Variants in TRIM24 observed in about 807,000 individuals in gnomAD.
TRIM24 encodes the protein transcription intermediary factor 1-alpha.
In TRIM24, 29 loss-of-function variants were observed where a neutral mutation model predicts 123.9. The ratio of observed to expected loss-of-function variants is 0.23; its 90% CI spans 0.17 to 0.32. The LOEUF is 0.32. Among genes scored for constraint, TRIM24 ranks in the 10% least tolerant of loss-of-function variants. The pLI is 1.00. For missense variants in TRIM24, 932 were observed against 1,295.3 expected (o/e 0.72, Z 4.31); for synonymous variants, 456 against 461.1 (o/e 0.99, Z 0.14).
chr7:138,509,326 A>G (rs180808755), intron 2 of TRIM24, among the ~76,000 whole-genome samples: 8 of 148,482 alleles, frequency 5.4e-5, no homozygotes, highest in Admixed American at 2.7e-4. Context: ...TATAATATAT[A>G]TATAATATAT....
chr7:138,504,904 G>T (rs144470407), intron 2 of TRIM24, among the ~76,000 whole-genome samples: 2 of 151,946 alleles, frequency 1.3e-5, no homozygotes, highest in African/African-American at 2.4e-5. Context: ...GGGATTACAG[G>T]TGTGTGCCAC....
chr7:138,573,938 G>C (rs986915510), intron 12 of TRIM24, among the ~76,000 whole-genome samples: 4 of 152,064 alleles, frequency 2.6e-5, no homozygotes, highest in Admixed American at 2.6e-4. Flanking sequence ...AGCTGGGACT[G>C]TAAGTATGCT....
At chr7:138,514,906 C>G (rs1796364938) in intron 2 of TRIM24, 1 of 230,298 alleles carries the variant, frequency 4.3e-6, no homozygotes, top group African/African-American at 2.2e-5. Context: ...ATCATAAGGG[C>G]AGCGACCATG....
chr7:138,519,731 C>T (rs1476851915), intron 4 of TRIM24, among the ~76,000 whole-genome samples: 2 of 152,080 alleles, frequency 1.3e-5, no homozygotes, highest in Non-Finnish European at 2.9e-5. Flanking sequence ...GGAGATTTTA[C>T]ATTTTTTAAA....
intron 1 of TRIM24, among the ~76,000 whole-genome samples, chr7:138,492,028 G>A (rs1363811804): frequency 2.0e-5 from 3 of 151,560 alleles, no homozygotes; most frequent in Admixed American, 2.0e-4. Context: ...CTATTTGGGA[G>A]TCTGTGGTGG....
Position 138,584,937 on chromosome 7 carries a change from C to T in TRIM24, c.3139C>T (p.Gln1047Ter), listed in dbSNP as rs749669114. 44 of 1,608,800 alleles carry T rather than the reference C, an allele frequency of 2.7e-5. No individual in the cohort carries two copies. The highest frequency in any genetic ancestry group is 3.7e-5 in the Non-Finnish European group (44 of 1,178,638). Residue 1047 changes from glutamine to a stop codon, truncating the protein, a stop_gained, in exon 19 of 19, where the codon CAG (glutamine) becomes TAG (stop). Coordinates refer to ENST00000343526, the MANE Select transcript of TRIM24 (RefSeq NM_015905.3). LOFTEE classifies it high-confidence loss of function. ...ACGCCTCAAAAGCATTGAAGAACGC[C>T]AGTTGCTTAAATAATATGCAGCACC... ...KKRLKSIEER[Q>*]LLK
intron 7 of TRIM24, among the ~76,000 whole-genome samples, chr7:138,541,735 A>G (rs1797009162): frequency 6.6e-6 from 1 of 152,230 alleles, no homozygotes; most frequent in Non-Finnish European, 1.5e-5. Flanking sequence ...TCTAGATGGC[A>G]TCATCTTCCA....
intron 5 of TRIM24, among the ~76,000 whole-genome samples, chr7:138,526,256 A>G (rs1022286088): frequency 6.6e-6 from 1 of 152,136 alleles, no homozygotes; most frequent in African/African-American, 2.4e-5. Context: ...GCATTTGGGA[A>G]TTTTTTTAAG....
chr7:138,536,832 G>A (rs749864163), intron 6 of TRIM24, among the ~76,000 whole-genome samples: 7 of 152,190 alleles, frequency 4.6e-5, no homozygotes, highest in Non-Finnish European at 8.8e-5. Context: ...GCAGAGGCAC[G>A]CAGGCCTCCT....
chr7:138,541,335 T>C (rs1257839470), intron 7 of TRIM24, among the ~76,000 whole-genome samples: 1 of 152,096 alleles, frequency 6.6e-6, no homozygotes, highest in Non-Finnish European at 1.5e-5. Flanking sequence ...TCTTGATTCA[T>C]GGGCTGCAGA....
chr7:138,463,629 A>G (rs1290849130), intron 1 of TRIM24, among the ~76,000 whole-genome samples: 2 of 152,204 alleles, frequency 1.3e-5, no homozygotes, highest in Admixed American at 6.6e-5. Flanking sequence ...TTGCCTGGCC[A>G]TGACATATGG....
Position 138,571,039 on chromosome 7 carries a change from A to G in TRIM24, c.1878+36A>G, listed in dbSNP as rs184124954. 2.0e-3 allele frequency: 3,237 copies of G among 1,608,260 alleles called. 7 individuals are homozygous for G. The highest frequency in any genetic ancestry group is 2.6e-3 in the Non-Finnish European group (3,027 of 1,175,882). On this transcript the variant is annotated intron_variant, in intron 11 of 18. Coordinates refer to ENST00000343526, the MANE Select transcript of TRIM24 (RefSeq NM_015905.3). ...ACAAAATTTATACTAGCCTCTGTTG[A>G]AAACTGTTGGCCGGGTGCAGTGGCT...
Position 138,504,367 on chromosome 7 carries a change from A to G in TRIM24, c.442A>G (p.Thr148Ala), listed in dbSNP as rs758732727. Residue 148 changes from threonine (T) to alanine (A), a missense_variant, in exon 2 of 19, where the codon ACT (threonine) becomes GCT (alanine). This residue lies in a region of TRIM24 where 74 missense variants were observed against 163.6 expected (regional missense o/e 0.45). Coordinates refer to ENST00000343526, the MANE Select transcript of TRIM24 (RefSeq NM_015905.3). The stretch of plus-strand genomic sequence containing the variant: ...CATAGATAACTTTTTTGTGAAGGAC[A>G]CTACTGAGGTTCCCAGCAGTACAGT... The part of the protein sequence containing the change: ...HIIDNFFVKD[T>A]TEVPSSTVEK... The G allele has an allele frequency of 1.2e-6, 2 of 1,603,354 alleles. No individual in the cohort carries two copies. Among genetic ancestry groups the G allele is most frequent in the Admixed American group, 1.7e-5 (1 of 58,510 alleles).
intron 9 of TRIM24, among the ~76,000 whole-genome samples, chr7:138,557,639 A>C (rs1048276318): frequency 6.6e-6 from 1 of 152,154 alleles, no homozygotes; most frequent in African/African-American, 2.4e-5. Context: ...GGATTTTTGC[A>C]GTTATATCTT....
chr7:138,461,277 C>G (rs1422051953), intron 1 of TRIM24: 2 of 562,256 alleles, frequency 3.6e-6, no homozygotes, highest in East Asian at 4.7e-5. Context: ...GCTACCCGCC[C>G]GCTGCCTCCA....
At chr7:138,509,052 G>A (rs934725979) in intron 2 of TRIM24, among the ~76,000 whole-genome samples, 3 of 151,874 alleles carry the variant, frequency 2.0e-5, no homozygotes, top group Admixed American at 6.6e-5. Context: ...AGGTTCAAGC[G>A]ATTTTCCTGC....
intron 3 of TRIM24, among the ~76,000 whole-genome samples, chr7:138,516,597 C>T (rs1447069644): frequency 3.3e-5 from 5 of 152,076 alleles, no homozygotes; most frequent in Non-Finnish European, 7.4e-5. Context: ...TCAAGTAATC[C>T]GCCAGCCTTG....
intron 14 of TRIM24, among the ~76,000 whole-genome samples, chr7:138,578,229 A>G (rs1797806245): frequency 1.3e-5 from 2 of 152,198 alleles, no homozygotes; most frequent in African/African-American, 4.8e-5. Flanking sequence ...AAGTTGTACA[A>G]AAAATGTCTT....
At chr7:138,463,935 C>A (rs906396777) in intron 1 of TRIM24, among the ~76,000 whole-genome samples, 1 of 149,202 alleles carries the variant, frequency 6.7e-6, no homozygotes, top group African/African-American at 2.5e-5. Flanking sequence ...GTATTTTGTC[C>A]CTTTATCTCT....
Sources: allele counts gnomAD v4.1 joint callset (sites outside exome capture counted in the v4.1 genomes callset), GRCh38; gene constraint gnomAD v4.1.1; regional missense constraint gnomAD v4.1.1; transcripts MANE v1.5; gene names NCBI Gene and HGNC (gene_info 2026-07-23, HGNC 2026-07-21).